The following SOS2 variants were observed in gnomAD, a reference collection of about 807,000 sequenced individuals.
SOS2 encodes SOS Ras/Rho guanine nucleotide exchange factor 2.
Under a neutral mutation model 148.2 loss-of-function variants are expected in SOS2, and 65 were observed. That is an observed-to-expected ratio of 0.44 (90% CI 0.36 to 0.54). SOS2 has a LOEUF of 0.54. Ranked by LOEUF, SOS2 falls within the 20% of genes least tolerant of loss-of-function variation. The probability of loss-of-function intolerance (pLI) is 0.00; values close to 1 mark genes in which losing one functional copy is unlikely to be tolerated. For synonymous variants in SOS2, 539 were observed against 537.1 expected (o/e 1.00, Z -0.05); for missense variants, 1,341 against 1,590.2 (o/e 0.84, Z 2.67).
intron 4 of SOS2, among the ~76,000 whole-genome samples, chr14:50,189,097 A>ACACG (rs1387042501): frequency 2.7e-5 from 4 of 150,568 alleles, no homozygotes; most frequent in African/African-American, 9.8e-5. Context: ...ACACACACAC[A>ACACG]CACACGCACA....
At chr14:50,138,042 T>C (rs1052789185) in intron 18 of SOS2, among the ~76,000 whole-genome samples, 2 of 151,820 alleles carry the variant, frequency 1.3e-5, no homozygotes, top group African/African-American at 4.8e-5. Context: ...GGTTTCACCA[T>C]GTTGGTCAGG....
At chr14:50,197,689 C>CTTT (rs35121759) in intron 4 of SOS2, among the ~76,000 whole-genome samples, 4 of 125,848 alleles carry the variant, frequency 3.2e-5, no homozygotes, top group Admixed American at 8.4e-5. Context: ...GCTTTACCAC[C>CTTT]TTTTTTTTTT....
intron 1 of SOS2, among the ~76,000 whole-genome samples, chr14:50,217,086 C>T (rs142400691): frequency 2.2e-4 from 34 of 152,190 alleles, no homozygotes; most frequent in South Asian, 6.2e-4. Context: ...CAAAACAGTA[C>T]GGCACTGACA....
At chr14:50,182,109 C>A (rs1250674596) in intron 6 of SOS2, among the ~76,000 whole-genome samples, 1 of 151,714 alleles carries the variant, frequency 6.6e-6, no homozygotes, top group Non-Finnish European at 1.5e-5. Context: ...ACTATATAGG[C>A]AATGTGATTT....
rs2139783973 is a variant in SOS2 at position 50,201,099 on chromosome 14, C to A, written c.214-15G>T. 2 of 1,612,146 alleles carry A rather than the reference C, an allele frequency of 1.2e-6. No individual in the cohort carries two copies. Among genetic ancestry groups the A allele is most frequent in the Non-Finnish European group, 1.7e-6 (2 of 1,178,856 alleles). ...TGAACTCGCTCCTGCTCAATCACAG[C>A]AGAACCATTGTAGTATTAATAAAAG... On this transcript the variant is annotated splice_polypyrimidine_tract_variant and intron_variant, in intron 2 of 22. Transcript: ENST00000216373.
intron 4 of SOS2, among the ~76,000 whole-genome samples, chr14:50,191,680 T>C (rs1886144336): frequency 1.3e-5 from 2 of 152,132 alleles, no homozygotes; most frequent in Non-Finnish European, 2.9e-5. Flanking sequence ...CATTATAATA[T>C]ATAAGAAACA....
At chr14:50,124,156 G>A (rs959780333) in intron 21 of SOS2, among the ~76,000 whole-genome samples, 3 of 152,070 alleles carry the variant, frequency 2.0e-5, no homozygotes, top group African/African-American at 7.2e-5. Context: ...CAGAAGAGAG[G>A]TTCTGGCTAG....
At chr14:50,222,921 G>A (rs1023909843) in intron 1 of SOS2, among the ~76,000 whole-genome samples, 2 of 152,190 alleles carry the variant, frequency 1.3e-5, no homozygotes, top group Non-Finnish European at 2.9e-5. Context: ...TAGGACAAGA[G>A]CAGATGATCA....
chr14:50,153,950 A>C (rs958332319), intron 12 of SOS2, among the ~76,000 whole-genome samples: 8 of 151,680 alleles, frequency 5.3e-5, no homozygotes, highest in Non-Finnish European at 8.8e-5. Context: ...CATATACTAC[A>C]GTCTCTTATT....
rs1290601812 is a variant in SOS2, at chr14:50,189,334, A to C, written c.511-634T>G. ...CACACACACACACACATAATAGCAA[A>C]AAAAAAAAAAAAAAGCAAGCCTGTC... On this transcript the variant is annotated intron_variant, in intron 4 of 22. Transcript: ENST00000216373. 4.9e-5 allele frequency among the ~76,000 whole-genome samples: 7 copies of C among 142,376 alleles called. No homozygotes were observed. The East Asian group carries it at 1.4e-3, about 28-fold the overall frequency. The allele number at this position is 142,376 out of a possible 152,430, so 93.4% of individuals were successfully genotyped here. A position where few individuals can be genotyped will look rare whatever the true frequency, so the allele number is the denominator to read the frequency against.
chr14:50,152,524 C>T (rs577499216), intron 13 of SOS2, among the ~76,000 whole-genome samples: 39 of 152,220 alleles, frequency 2.6e-4, no homozygotes, highest in Middle Eastern at 3.4e-3. Context: ...AAAGAACTTT[C>T]GACTTCTTTA....
At position 50,208,069 on chromosome 14, in the gene SOS2, G is replaced by A. The variant is rs148161131; in HGVS notation, c.88-3660C>T. Among the ~76,000 whole-genome samples the A allele has an allele frequency of 4.0e-3, 602 of 152,250 alleles. 26 individuals are homozygous for A. The East Asian group carries it at 0.11, about 27-fold the overall frequency. On this transcript the variant is annotated intron_variant, in intron 1 of 22. Coordinates refer to ENST00000216373, the MANE Select transcript of SOS2 (RefSeq NM_006939.4). ...CCAGCACTTTAGGAGGCCGAGGCGG[G>A]TGGATCACTTGAGGTCAGGAGTTCA...
At chr14:50,220,645 C>T (rs1480246365) in intron 1 of SOS2, among the ~76,000 whole-genome samples, 2 of 152,096 alleles carry the variant, frequency 1.3e-5, no homozygotes, top group African/African-American at 2.4e-5. Flanking sequence ...ATTCCTCCCA[C>T]TGTCCATTAA....
At chr14:50,200,914 T>C (rs1451543377) in intron 3 of SOS2, 39 bp downstream of exon 3, 3 of 1,593,874 alleles carry the variant, frequency 1.9e-6, no homozygotes, top group African/African-American at 2.7e-5. Flanking sequence ...TTACTTGTTA[T>C]AAAGAACACC....
At chr14:50,186,084 A>T (rs2139723928) in intron 5 of SOS2, among the ~76,000 whole-genome samples, 1 of 152,316 alleles carries the variant, frequency 6.6e-6, no homozygotes, top group Admixed American at 6.5e-5. Flanking sequence ...GGGCAAAAGG[A>T]GTAACTTAAG....
Position 50,178,666 on chromosome 14 carries a change from GTGTGCATATATA to G in SOS2, c.969+1894_969+1905del, listed in dbSNP as rs1241317890. Among the ~76,000 whole-genome samples the G allele has an allele frequency of 1.4e-3, 97 of 70,068 alleles. 1 individual carries two copies. Among genetic ancestry groups the G allele is most frequent in the East Asian group, 5.4e-3 (9 of 1,680 alleles). 46.0% of individuals were successfully genotyped at this position (70,068 alleles called of 152,430 possible). ...CCCGCTAGTGTGTGTGTGTGTGTGT[GTGTGCATATATA>G]TATATATATATATATATATATATAT... On this transcript the variant is annotated intron_variant, in intron 7 of 22. Transcript: ENST00000216373.
In SOS2 at chr14:50,188,681, T is replaced by C. The variant is rs1313632636; in HGVS notation, c.530A>G (p.Asp177Gly). The C allele has an allele frequency of 1.3e-6, 2 of 1,598,206 alleles. No homozygotes were observed. Among genetic ancestry groups the C allele is most frequent in the Non-Finnish European group, 1.7e-6 (2 of 1,174,778 alleles). The stretch of plus-strand genomic sequence containing the variant: ...AGAAACCAAACCTATGTCATCCTGA[T>C]CAAACATGTCCATCAAAACCTGAGA... ...CADKVLMDMF[D>G]QDDIGLVSLC... Residue 177 changes from aspartate to glycine, a missense_variant, in exon 5 of 23, where the codon GAT becomes GGT. Physicochemically the swap from Asp to Gly is moderately conservative, Grantham distance 94. This residue lies in a region of SOS2 where 574 missense variants were observed against 711.1 expected (regional missense o/e 0.81). Coordinates refer to ENST00000216373, the MANE Select transcript of SOS2 (RefSeq NM_006939.4).
At chr14:50,141,090 G>A (rs1291987012) in intron 16 of SOS2, among the ~76,000 whole-genome samples, 1 of 150,210 alleles carries the variant, frequency 6.7e-6, no homozygotes, top group East Asian at 2.0e-4. Flanking sequence ...TGTAGTCCCA[G>A]CTACTCGGGA....
At chr14:50,227,482 G>A (rs1036097311) in intron 1 of SOS2, among the ~76,000 whole-genome samples, 3 of 151,042 alleles carry the variant, frequency 2.0e-5, no homozygotes, top group East Asian at 1.9e-4. Flanking sequence ...GCGCGATCTC[G>A]GCTCAACTGC....
Sources: allele counts gnomAD v4.1 joint callset (sites outside exome capture counted in the v4.1 genomes callset), GRCh38; gene constraint gnomAD v4.1.1; regional missense constraint gnomAD v4.1.1; transcripts MANE v1.5; gene names NCBI Gene and HGNC (gene_info 2026-07-23, HGNC 2026-07-21).